Variants in C4orf51 observed in about 807,000 individuals in gnomAD.
The protein encoded by C4orf51 is chromosome 4 open reading frame 51.
In C4orf51, 25 loss-of-function variants were observed where a neutral mutation model predicts 25.2. The observed-to-expected ratio is 0.99, with a 90% confidence interval of 0.72 to 1.39. The LOEUF is 1.39. Among genes scored for constraint, C4orf51 ranks in the 40% most tolerant of loss-of-function variants. The pLI, the probability that C4orf51 is intolerant of heterozygous loss-of-function variation, is 0.00. For synonymous variants in C4orf51, 100 were observed against 84.5 expected (o/e 1.18, Z -1.01); for missense variants, 252 against 239.6 (o/e 1.05, Z -0.34).
At chr4:145,732,843 C>T (rs905530382), downstream of C4orf51, 8 of 222,732 alleles carry the variant, frequency 3.6e-5, no homozygotes, top group African/African-American at 1.6e-4. Context: ...AATGGTGCTG[C>T]GGCCCCGACC....
the C4orf51 span, chr4:145,779,245 A>T: frequency 8.0e-7 from 1 of 1,249,104 alleles, no homozygotes; most frequent in Non-Finnish European, 1.1e-6. Context: ...GCCAGAGAAA[A>T]TGGCTTGAAA....
downstream of C4orf51, among the ~76,000 whole-genome samples, chr4:145,734,830 G>A (rs1166112001): frequency 2.6e-5 from 4 of 152,214 alleles, no homozygotes; most frequent in African/African-American, 9.7e-5. Flanking sequence ...GATAGGCATG[G>A]TCAAGGCAGC....
intron 2 of C4orf51, among the ~76,000 whole-genome samples, chr4:145,706,702 G>T (rs916598383): frequency 6.6e-6 from 1 of 151,802 alleles, no homozygotes; most frequent in South Asian, 2.1e-4. Context: ...GTGCAGTGGC[G>T]CAATCTTGGC....
At chr4:145,700,594 C>T (rs1003225483) in intron 2 of C4orf51, among the ~76,000 whole-genome samples, 3 of 152,108 alleles carry the variant, frequency 2.0e-5, no homozygotes, top group Non-Finnish European at 4.4e-5. Context: ...TAATTCTTGT[C>T]GTAAAATAGG....
At chr4:145,718,195 A>T (rs1731521111) in intron 2 of C4orf51, among the ~76,000 whole-genome samples, 1 of 152,236 alleles carries the variant, frequency 6.6e-6, no homozygotes, top group Non-Finnish European at 1.5e-5. Context: ...CAGGAGATGT[A>T]ACATGCACTA....
chr4:145,763,114 T>C lies in C4orf51; in HGVS notation n.167-7874T>C. 6.5e-7 allele frequency: 1 copy of C among 1,536,126 alleles called. No homozygotes were observed. Among genetic ancestry groups the C allele is most frequent in the Non-Finnish European group, 8.7e-7 (1 of 1,146,884 alleles). ...CCTAGAGGAGTCTGAAACTCACCAC[T>C]GTCCTGAGCTACGGCAAAAGAAAAA... is the stretch of plus-strand genomic sequence containing the variant. On this transcript the variant is annotated intron_variant and non_coding_transcript_variant, in intron 1 of 1. Coordinates refer to the C4orf51 transcript ENST00000510096. This position sits in a 1 kb window ranked among gnomAD's most constrained non-coding sequence, Gnocchi z 4.6.
In C4orf51 at chr4:145,761,541, C is replaced by T. The variant is rs1224964349; in HGVS notation, n.167-9447C>T. On this transcript the variant is annotated intron_variant and non_coding_transcript_variant, in intron 1 of 1. Coordinates refer to the C4orf51 transcript ENST00000510096. The surrounding 1 kb of genome is among the most constrained non-coding windows in gnomAD (Gnocchi z 6.8). ...ACTTGTACTCCATCTTGTAGTGGGT[C>T]TTGAGGTGGCACTCCATGGCAGCGG... 5.4e-6 allele frequency: 7 copies of T among 1,286,168 alleles called. No individual in the cohort carries two copies. The highest frequency in any genetic ancestry group is 3.0e-5 in the African/African-American group (2 of 65,792). The allele number at this position is 1,286,168 out of a possible 1,614,324, so 79.7% of individuals were successfully genotyped here.
intron 2 of C4orf51, among the ~76,000 whole-genome samples, chr4:145,719,909 G>A (rs1259496739): frequency 6.6e-6 from 1 of 152,200 alleles, no homozygotes. Context: ...GTGACTTGCT[G>A]GTGGCTGTGG....
chr4:145,719,897 A>G (rs1247208995), intron 2 of C4orf51, among the ~76,000 whole-genome samples: 1 of 152,180 alleles, frequency 6.6e-6, no homozygotes, highest in Non-Finnish European at 1.5e-5. Context: ...GAGAGAGGGC[A>G]GGTGACTTGC....
intron 1 of C4orf51, among the ~76,000 whole-genome samples, chr4:145,696,054 G>A (rs1222163558): frequency 2.0e-5 from 3 of 152,214 alleles, no homozygotes; most frequent in Non-Finnish European, 2.9e-5. Flanking sequence ...ACGAGGTGAA[G>A]AGATTGAGAT....
At chr4:145,688,900 A>AAAC (rs923853447) in intron 1 of C4orf51, among the ~76,000 whole-genome samples, 1 of 152,040 alleles carries the variant, frequency 6.6e-6, no homozygotes, top group Non-Finnish European at 1.5e-5. Context: ...ACAAACAAAC[A>AAAC]AACAACAACA....
downstream of C4orf51, chr4:145,776,014 C>T (rs1277999160): frequency 6.3e-7 from 1 of 1,597,330 alleles, no homozygotes; most frequent in Non-Finnish European, 8.6e-7. Flanking sequence ...AAGGAAGTCC[C>T]AACACCTTGC....
rs764381680 is a variant in C4orf51, at chr4:145,680,446, C to A, written c.233+10C>A. 1 of 1,603,386 alleles carries A rather than the reference C, an allele frequency of 6.2e-7. No homozygotes were observed. The highest frequency in any genetic ancestry group is 8.5e-7 in the Non-Finnish European group (1 of 1,171,352). On this transcript the variant is annotated intron_variant, in intron 1 of 5. Coordinates refer to ENST00000438731, the MANE Select transcript of C4orf51 (RefSeq NM_001080531.3). Reference sequence around the variant, plus strand: ...AGCCTGAGTGTAAACAGTAAGATTTCTTTGTAATTTGCACCTGGATATATC... The same window carrying A: ...AGCCTGAGTGTAAACAGTAAGATTTATTTGTAATTTGCACCTGGATATATC...
At chr4:145,716,244 G>T (rs1163327909) in intron 2 of C4orf51, among the ~76,000 whole-genome samples, 1 of 152,132 alleles carries the variant, frequency 6.6e-6, no homozygotes, top group Non-Finnish European at 1.5e-5. Context: ...GGTGACCTGG[G>T]ACACAGACTT....
At chr4:145,792,191 C>T in the C4orf51 span, among the ~76,000 whole-genome samples, 1 of 152,214 alleles carries the variant, frequency 6.6e-6, no homozygotes, top group Middle Eastern at 3.4e-3. Context: ...TTCATGGCCT[C>T]AGATCAAAAT....
intron 1 of C4orf51, among the ~76,000 whole-genome samples, chr4:145,693,859 C>T (rs1578933331): frequency 2.4e-5 from 2 of 85,012 alleles, no homozygotes; most frequent in East Asian, 3.9e-4. Flanking sequence ...CCCCACCTCC[C>T]TCCCGGACGG....
At chr4:145,721,051 G>A (rs1398025694) in intron 2 of C4orf51, among the ~76,000 whole-genome samples, 8 of 152,070 alleles carry the variant, frequency 5.3e-5, no homozygotes, top group Admixed American at 5.2e-4. Context: ...TTAAACTACA[G>A]GAAGAAAAAA....
chr4:145,721,897 G>A, intron 2 of C4orf51, among the ~76,000 whole-genome samples: 1 of 152,202 alleles, frequency 6.6e-6, no homozygotes, highest in East Asian at 1.9e-4. Context: ...AGAAAATTAG[G>A]GAAAAGGTGA....
intron 1 of C4orf51, among the ~76,000 whole-genome samples, chr4:145,769,633 C>A (rs1335338142): frequency 6.6e-6 from 1 of 152,154 alleles, no homozygotes; most frequent in Non-Finnish European, 1.5e-5. Flanking sequence ...TGTTTCTGTC[C>A]TCATCTTGTT....
Sources: gnomAD v4.1 joint callset for allele counts (sites outside exome capture counted in the v4.1 genomes callset) on GRCh38, gnomAD v4.1.1 for gene constraint, Gnocchi (gnomAD v3.1) non-coding constraint, MANE v1.5 for transcripts, NCBI Gene and HGNC (gene_info 2026-07-23, HGNC 2026-07-21) for gene names.